Variants in CHLSN observed in about 807,000 individuals in gnomAD.
CHLSN encodes the protein protein cholesin.
At chr7:996,272 C>T in the CHLSN span, among the ~76,000 whole-genome samples, 1 of 152,352 alleles carries the variant, frequency 6.6e-6, no homozygotes, top group African/African-American at 2.4e-5. Flanking sequence ...GCCGTGCTCC[C>T]GCCTCCCGGC....
chr7:996,387 G>A, the CHLSN span, among the ~76,000 whole-genome samples: 3 of 152,260 alleles, frequency 2.0e-5, no homozygotes, highest in Non-Finnish European at 4.4e-5. Flanking sequence ...CTCAGGGCCT[G>A]AGCCAGCGTC....
chr7:1,134,181 G>A, the CHLSN span, among the ~76,000 whole-genome samples: 1 of 151,938 alleles, frequency 6.6e-6, no homozygotes, highest in Non-Finnish European at 1.5e-5. Flanking sequence ...GTTGAGGCAG[G>A]AGAATCACTT....
At chr7:1,125,986 T>G in the CHLSN span, among the ~76,000 whole-genome samples, 2 of 152,238 alleles carry the variant, frequency 1.3e-5, no homozygotes, top group Non-Finnish European at 2.9e-5. Context: ...CAAAAAATTT[T>G]TTATATTTTC....
the CHLSN span, among the ~76,000 whole-genome samples, chr7:1,035,021 C>T: frequency 6.6e-6 from 1 of 152,388 alleles, no homozygotes; most frequent in East Asian, 1.9e-4. Flanking sequence ...ATATGTACCA[C>T]ATTTTCTTCA....
chr7:1,058,561 A>G, the CHLSN span: 1 of 740,768 alleles, frequency 1.3e-6, no homozygotes, highest in Non-Finnish European at 2.5e-6. Context: ...GTGGACGCAG[A>G]GCACTTAGTT....
chr7:1,016,909 CCAGCGCACAG>C, the CHLSN span, among the ~76,000 whole-genome samples: 13 of 85,200 alleles, frequency 1.5e-4, 1 homozygote, highest in Admixed American at 2.4e-4. Flanking sequence ...GCAGCACACG[CCAGCGCACAG>C]CAGCACACAG....
At chr7:988,268 C>G in the CHLSN span, 1 of 1,555,120 alleles carries the variant, frequency 6.4e-7, no homozygotes, top group Non-Finnish European at 8.7e-7. Context: ...GCCCCGGCTG[C>G]CCCCACAGGG....
At chr7:1,138,146 G>A in the CHLSN span, 2 of 151,756 alleles carry the variant, frequency 1.3e-5, no homozygotes, top group African/African-American at 2.4e-5. Context: ...GTCTCCTGGC[G>A]CCCTGACCCG....
At chr7:1,072,955 T>C in the CHLSN span, among the ~76,000 whole-genome samples, 1 of 152,220 alleles carries the variant, frequency 6.6e-6, no homozygotes, top group African/African-American at 2.4e-5. Flanking sequence ...TCAATTTCTT[T>C]AATCGTTACA....
the CHLSN span, among the ~76,000 whole-genome samples, chr7:1,070,941 GCA>G: frequency 0.085 from 11,543 of 136,190 alleles, 483 homozygotes; most frequent in Middle Eastern, 0.14. Context: ...ACGCACACAT[GCA>G]CACACACACA....
the CHLSN span, among the ~76,000 whole-genome samples, chr7:983,606 T>A: frequency 1.3e-5 from 2 of 151,998 alleles, no homozygotes; most frequent in East Asian, 3.9e-4. Context: ...GCCCTGGAGG[T>A]GCCACCCAGG....
At chr7:1,082,564 C>T in the CHLSN span, among the ~76,000 whole-genome samples, 1 of 152,234 alleles carries the variant, frequency 6.6e-6, no homozygotes, top group Non-Finnish European at 1.5e-5. Flanking sequence ...CCACGCACCA[C>T]ACTCTCACCC....
At chr7:1,063,537 G>A in the CHLSN span, among the ~76,000 whole-genome samples, 7 of 152,218 alleles carry the variant, frequency 4.6e-5, no homozygotes, top group South Asian at 2.1e-4. Flanking sequence ...GTTCGTGCAC[G>A]AAGCGGCGCT....
At chr7:1,064,221 G>T in the CHLSN span, among the ~76,000 whole-genome samples, 1 of 152,200 alleles carries the variant, frequency 6.6e-6, no homozygotes, top group African/African-American at 2.4e-5. Flanking sequence ...TCGGCTGCAG[G>T]GTAGGAGACC....
chr7:988,064 G>T, the CHLSN span, among the ~76,000 whole-genome samples: 1 of 151,238 alleles, frequency 6.6e-6, no homozygotes, highest in African/African-American at 2.5e-5. Flanking sequence ...CCCTCTCCAT[G>T]CATCCTGGGT....
chr7:989,648 G>T, the CHLSN span: 1 of 154,856 alleles, frequency 6.5e-6, no homozygotes, highest in Admixed American at 6.4e-5. Flanking sequence ...GAGCATGGTG[G>T]CACGTGCCTG....
chr7:1,095,630 C>G, the CHLSN span, among the ~76,000 whole-genome samples: 1 of 152,256 alleles, frequency 6.6e-6, no homozygotes, highest in African/African-American at 2.4e-5. Flanking sequence ...GAGACCCACA[C>G]GGAACGTGGT....
the CHLSN span, among the ~76,000 whole-genome samples, chr7:1,070,832 TAC>T: frequency 0.026 from 1,824 of 70,910 alleles, 43 homozygotes; most frequent in African/African-American, 0.11. Flanking sequence ...TGCACACATA[TAC>T]ACACAACGCG....
chr7:1,035,874 T>C, the CHLSN span, among the ~76,000 whole-genome samples: 3 of 152,158 alleles, frequency 2.0e-5, no homozygotes, highest in Admixed American at 6.5e-5. Flanking sequence ...CTGCCACAGA[T>C]TGGAAGCAAC....
Sources: gnomAD v4.1 joint callset for allele counts (sites outside exome capture counted in the v4.1 genomes callset) on GRCh38, gnomAD v4.1.1 for gene constraint, MANE v1.5 for transcripts, NCBI Gene and HGNC (gene_info 2026-07-23, HGNC 2026-07-21) for gene names.